EYS: variants seen among roughly 807,000 people sequenced by gnomAD.
The protein encoded by EYS is EGF-like photoreceptor maintenance factor.
Under a neutral mutation model 282.1 loss-of-function variants are expected in EYS, and 250 were observed. The ratio of observed to expected loss-of-function variants is 0.89; its 90% CI spans 0.80 to 0.98. EYS has a LOEUF of 0.98. EYS is among the 50% of genes least tolerant of loss of function. The probability of loss-of-function intolerance (pLI) is 0.00; values close to 1 mark genes in which losing one functional copy is unlikely to be tolerated. For missense variants in EYS, 4,016 were observed against 3,709.0 expected (o/e 1.08, Z -2.15); for synonymous variants, 1,355 against 1,282.9 (o/e 1.06, Z -1.20).
intron 22 of EYS, among the ~76,000 whole-genome samples, chr6:64,761,303 A>G (rs529933710): frequency 6.6e-6 from 1 of 152,152 alleles, no homozygotes; most frequent in Non-Finnish European, 1.5e-5. Flanking sequence ...ATTTACTTAT[A>G]ACTTTTCCTT....
intron 31 of EYS, among the ~76,000 whole-genome samples, chr6:64,113,610 A>G (rs187406390): frequency 2.0e-5 from 3 of 152,336 alleles, no homozygotes; most frequent in East Asian, 3.9e-4. Context: ...AAAAGTTTCT[A>G]GATCAGCCTG....
At chr6:64,748,755 T>C (rs1385094086) in intron 22 of EYS, among the ~76,000 whole-genome samples, 1 of 152,166 alleles carries the variant, frequency 6.6e-6, no homozygotes, top group Non-Finnish European at 1.5e-5. Flanking sequence ...TAATGTCACA[T>C]ACTATTTAAA....
chr6:65,079,183 T>C (rs1028887168), intron 12 of EYS, among the ~76,000 whole-genome samples: 3 of 152,100 alleles, frequency 2.0e-5, no homozygotes, highest in Admixed American at 6.6e-5. Flanking sequence ...TTGATCTCGA[T>C]ATCAAGAAGT....
chr6:65,231,411 G>A (rs1029060351), intron 12 of EYS, among the ~76,000 whole-genome samples: 11 of 151,228 alleles, frequency 7.3e-5, no homozygotes, highest in African/African-American at 2.4e-4. Flanking sequence ...GTTCTATGTC[G>A]CTCAAATTCC....
At chr6:64,010,847 CTGCT>C (rs1169671455) in intron 33 of EYS, among the ~76,000 whole-genome samples, 1 of 152,146 alleles carries the variant, frequency 6.6e-6, no homozygotes. Context: ...AGCTGACAGA[CTGCT>C]TGGCATAATT....
intron 26 of EYS, among the ~76,000 whole-genome samples, chr6:64,569,044 A>AC (rs1562066843): frequency 1.3e-5 from 2 of 149,236 alleles, no homozygotes; most frequent in Non-Finnish European, 3.0e-5. Context: ...AAAAAAAAAA[A>AC]CAGCAAAAAA....
chr6:64,821,663 T>C lies in EYS; in HGVS notation c.3225A>G (p.Gln1075=), dbSNP rs1343114440. The C allele has an allele frequency of 2.0e-6, 3 of 1,497,870 alleles. No individual in the cohort carries two copies. The African/African-American group carries it at 4.2e-5, about 21-fold the overall frequency. The allele number at this position is 1,497,870 out of a possible 1,614,324, so 92.8% of individuals were successfully genotyped here. ...GACTTACATTAATTTTGATCTTACA[T>C]TGTGTGCTAGTCCCATCTGCATCAC... ...CSCDADGTST[Q]CKIKINDCTS... Residue 1075 remains glutamine, a synonymous_variant, in exon 21 of 43, where the codon CAA becomes CAG. Transcript: ENST00000503581.
chr6:63,969,245 G>T (rs1219388253), intron 35 of EYS, among the ~76,000 whole-genome samples: 1 of 152,110 alleles, frequency 6.6e-6, no homozygotes, highest in Admixed American at 6.5e-5. Context: ...CTTTTGATGT[G>T]CTTGTAAAAC....
At chr6:64,022,295 G>A (rs1011058477) in intron 33 of EYS, among the ~76,000 whole-genome samples, 10 of 152,094 alleles carry the variant, frequency 6.6e-5, no homozygotes, top group African/African-American at 2.4e-5. Flanking sequence ...ATAAATAAGA[G>A]GTGGACACAC....
intron 31 of EYS, among the ~76,000 whole-genome samples, chr6:64,229,465 A>G (rs1766351810): frequency 6.6e-6 from 1 of 152,208 alleles, no homozygotes; most frequent in African/African-American, 2.4e-5. Flanking sequence ...CAGAAAGCAA[A>G]CATCATGATA....
intron 5 of EYS, among the ~76,000 whole-genome samples, chr6:65,449,027 C>A (rs542417018): frequency 1.3e-5 from 2 of 152,152 alleles, no homozygotes; most frequent in South Asian, 4.1e-4. Flanking sequence ...AACTAACACC[C>A]ACATCCATAT....
chr6:64,289,104 A>G (rs1187501738), intron 30 of EYS, among the ~76,000 whole-genome samples: 1 of 151,974 alleles, frequency 6.6e-6, no homozygotes, highest in Non-Finnish European at 1.5e-5. Context: ...TCACGCCTTC[A>G]TTATCTGTTC....
At chr6:64,233,686 CATT>C (rs1362602398) in intron 30 of EYS, among the ~76,000 whole-genome samples, 2 of 152,152 alleles carry the variant, frequency 1.3e-5, no homozygotes, top group African/African-American at 4.8e-5. Context: ...ACAAACCAGC[CATT>C]ATTATAACAA....
intron 31 of EYS, among the ~76,000 whole-genome samples, chr6:64,121,296 ATAATTATGTGGAACAGGAGT>A (rs1384863004): frequency 1.3e-5 from 2 of 152,202 alleles, no homozygotes; most frequent in African/African-American, 4.8e-5. Context: ...TCAAAAGGAG[ATAATTATGTGGAACAGGAGT>A]TCCAGGGAGC....
chr6:63,737,098 G>T (rs1485960227), intron 41 of EYS, among the ~76,000 whole-genome samples: 134 of 150,116 alleles, frequency 8.9e-4, no homozygotes, highest in African/African-American at 3.1e-3. Flanking sequence ...CTGCCTAATT[G>T]CCCTGGCCAG....
rs1331332626 is a variant in EYS, at chr6:65,564,983, C to T, written c.-332-68990G>A. On this transcript the variant is annotated intron_variant, in intron 2 of 42. Transcript: ENST00000503581. ...GTGAACGGCCGGGCGCGGTGGCTCACGCCTGTAATCCCAGCACTTTGGGAG... is the reference window on the plus strand; with the variant it reads ...GTGAACGGCCGGGCGCGGTGGCTCATGCCTGTAATCCCAGCACTTTGGGAG... Among the ~76,000 whole-genome samples the T allele has an allele frequency of 3.3e-5, 2 of 60,576 alleles. 1 individual carries two copies. Among genetic ancestry groups the T allele is most frequent in the Non-Finnish European group, 5.3e-5 (2 of 37,472 alleles). The allele number at this position is 60,576 out of a possible 152,430, so 39.7% of individuals were successfully genotyped here.
At chr6:65,134,059 A>G (rs184682030) in intron 12 of EYS, among the ~76,000 whole-genome samples, 4 of 152,292 alleles carry the variant, frequency 2.6e-5, no homozygotes, top group Admixed American at 2.6e-4. Flanking sequence ...CCACAATGAG[A>G]TACCATCATA....
chr6:64,135,569 T>TG (rs1774132849), intron 31 of EYS, among the ~76,000 whole-genome samples: 1 of 152,030 alleles, frequency 6.6e-6, no homozygotes, highest in African/African-American at 2.4e-5. Context: ...TGGGGTTGCT[T>TG]GGGTGTAGGT....
rs1003600816 is a variant in EYS, at chr6:65,003,239, T to C, written c.2138-5536A>G. Among the ~76,000 whole-genome samples the C allele has an allele frequency of 1.6e-4, 23 of 147,270 alleles. 1 individual carries two copies. The highest frequency in any genetic ancestry group is 9.5e-4 in the Admixed American group (14 of 14,810). ...AAGAGAATGTGCACCTGGGGGTGGG[T>C]CTCTGAACTGGCCCCCCTGGGCGTG... On this transcript the variant is annotated intron_variant, in intron 13 of 42. Coordinates refer to ENST00000503581, the MANE Select transcript of EYS (RefSeq NM_001142800.2).
Sources: allele counts gnomAD v4.1 joint callset (sites outside exome capture counted in the v4.1 genomes callset), GRCh38; gene constraint gnomAD v4.1.1; transcripts MANE v1.5; gene names NCBI Gene and HGNC (gene_info 2026-07-23, HGNC 2026-07-21).